Variants in CPLANE1 observed in about 807,000 individuals in gnomAD.
CPLANE1 encodes ciliogenesis and planar polarity effector 1.
Under a neutral mutation model 362.5 loss-of-function variants are expected in CPLANE1, and 263 were observed. The observed-to-expected ratio is 0.73, with a 90% confidence interval of 0.66 to 0.80. The LOEUF (loss-of-function observed/expected upper bound fraction) is 0.80. CPLANE1 is among the 30% of genes least tolerant of loss of function. The probability of loss-of-function intolerance (pLI) is 0.00; values close to 1 mark genes in which losing one functional copy is unlikely to be tolerated. For synonymous variants in CPLANE1, 1,212 were observed against 1,302.6 expected, an observed-to-expected ratio of 0.93 and a Z score of 1.50; for missense variants, 3,461 against 3,793.4, an observed-to-expected ratio of 0.91 and a Z score of 2.30.
At position 37,187,527 on chromosome 5, in the gene CPLANE1, T is replaced by C; in HGVS notation, c.3967A>G (p.Ser1323Gly). The change falls in exon 23 of 53, where the codon AGT becomes GGT. Residue 1323 changes from serine to glycine, a missense_variant. Coordinates refer to ENST00000651892, the MANE Select transcript of CPLANE1 (RefSeq NM_001384732.1). ...FDSCMIEHCL[S>G]AVEWAYRMLP... is the part of the protein sequence containing the mutation. ...ATTCTATAAGCCCATTCCACTGCAC[T>C]AAGACAGTGCTCAATCATACAAGAA... 1 of 1,612,820 alleles carries C rather than the reference T, an allele frequency of 6.2e-7. No homozygotes were observed. Among genetic ancestry groups the C allele is most frequent in the Non-Finnish European group, 8.5e-7 (1 of 1,179,678 alleles).
At chr5:37,099,659 T>C in the CPLANE1 span, among the ~76,000 whole-genome samples, 1 of 152,212 alleles carries the variant, frequency 6.6e-6, no homozygotes, top group Non-Finnish European at 1.5e-5. Context: ...AAATAACCAG[T>C]AATGGGATTA....
rs1244278057 is a variant in CPLANE1, at chr5:37,173,735, T to G, written c.6171+20A>C. The G allele has an allele frequency of 5.6e-6, 9 of 1,599,584 alleles. No homozygotes were observed. Among genetic ancestry groups the G allele is most frequent in the Non-Finnish European group, 7.7e-6 (9 of 1,167,410 alleles). On this transcript the variant is annotated intron_variant, in intron 32 of 52. Transcript: ENST00000651892. The stretch of plus-strand genomic sequence containing the variant: ...GTACACTATGTGTAGATTTACTTAC[T>G]TATATAGAGATGTGCTTACCTGAAC...
chr5:37,097,639 TAAC>T, the CPLANE1 span, among the ~76,000 whole-genome samples: 1 of 152,086 alleles, frequency 6.6e-6, no homozygotes, highest in East Asian at 1.9e-4. Flanking sequence ...CTCATCAGAG[TAAC>T]AAAGGATTTC....
chr5:37,113,081 C>T (rs1267308864), intron 51 of CPLANE1, among the ~76,000 whole-genome samples: 1 of 152,134 alleles, frequency 6.6e-6, no homozygotes. Flanking sequence ...GAAAACAATT[C>T]ATAATGGGTA....
chr5:37,081,947 C>T, the CPLANE1 span, among the ~76,000 whole-genome samples: 1 of 151,998 alleles, frequency 6.6e-6, no homozygotes, highest in Non-Finnish European at 1.5e-5. Flanking sequence ...TTGCGACCAG[C>T]CTAACATGGT....
rs771174918 is a variant in CPLANE1, at chr5:37,224,627, G to A, written c.2405C>T (p.Ala802Val). Residue 802 changes from alanine to valine, a missense_variant, in exon 13 of 53, where the codon GCA becomes GTA. Coordinates refer to ENST00000651892, the MANE Select transcript of CPLANE1 (RefSeq NM_001384732.1). Reference protein sequence around the residue: ...SQLTEKMTHEASTVKSLLCHL... With the variant: ...SQLTEKMTHEVSTVKSLLCHL... ...ACATAACAGGGACTTGACAGTAGAT[G>A]CTTCATGTGTCATCTTTTCAGTTAA... 13 of 1,551,032 alleles carry A rather than the reference G, an allele frequency of 8.4e-6. No homozygotes were observed. In the South Asian group the frequency reaches 1.3e-4, roughly 16 times the overall value.
At chr5:37,130,843 A>G (rs1255913914) in intron 46 of CPLANE1, 1 of 152,884 alleles carries the variant, frequency 6.5e-6, no homozygotes, top group Non-Finnish European at 1.5e-5. Context: ...AACGAACTGC[A>G]TAAACAGATC....
At chr5:37,094,916 A>G in the CPLANE1 span, among the ~76,000 whole-genome samples, 16 of 152,178 alleles carry the variant, frequency 1.1e-4, no homozygotes, top group Non-Finnish European at 1.9e-4. Context: ...ACCAATAATA[A>G]GCAGCAAGAT....
At chr5:37,086,808 A>G in the CPLANE1 span, among the ~76,000 whole-genome samples, 3 of 152,206 alleles carry the variant, frequency 2.0e-5, no homozygotes, top group South Asian at 4.1e-4. Flanking sequence ...GACAAGCATA[A>G]TATCTGTGTC....
Position 37,206,204 on chromosome 5 carries a change from A to C in CPLANE1, c.3142T>G (p.Phe1048Val). 1.3e-6 allele frequency: 2 copies of C among 1,549,776 alleles called. No homozygotes were observed. The highest frequency in any genetic ancestry group is 8.7e-7 in the Non-Finnish European group (1 of 1,145,094). Residue 1048 changes from phenylalanine (F) to valine (V), a missense_variant, in exon 17 of 53, where the codon TTC (phenylalanine) becomes GTC (valine). Phe to Val is a conservative substitution (Grantham distance 50, BLOSUM62 -1). This residue lies in a region of CPLANE1 where 3,380 missense variants were observed against 3,666.1 expected (regional missense o/e 0.92). Transcript: ENST00000651892. ...FQLFCKRDSN[F>V]MRSKKKSLNL... The stretch of plus-strand genomic sequence containing the variant: ...TTGCCTAAAAATCCATACCTCATGA[A>C]ATTGCTATCACGTTTACAGAACAGC...
chr5:37,131,363 A>C (rs2150233216), intron 46 of CPLANE1, among the ~76,000 whole-genome samples: 1 of 152,038 alleles, frequency 6.6e-6, no homozygotes, highest in East Asian at 1.9e-4. Flanking sequence ...TAATGCACAA[A>C]CTCTAGCTAC....
intron 9 of CPLANE1, among the ~76,000 whole-genome samples, 187 bp downstream of exon 9, chr5:37,230,680 T>C (rs1028630525): frequency 1.3e-5 from 2 of 152,058 alleles, no homozygotes; most frequent in Non-Finnish European, 2.9e-5. Context: ...AATGTCAAAT[T>C]TTCACCAGGA....
At chr5:37,081,358 T>C in the CPLANE1 span, among the ~76,000 whole-genome samples, 1 of 152,172 alleles carries the variant, frequency 6.6e-6, no homozygotes, top group Non-Finnish European at 1.5e-5. Context: ...TCTCTCTCTC[T>C]GTCACCCAGG....
In CPLANE1 at chr5:37,106,892, C is replaced by T; in HGVS notation, c.*710G>A. The T allele has an allele frequency of 4.1e-6, 4 of 985,228 alleles. No homozygotes were observed. Among genetic ancestry groups the T allele is most frequent in the Middle Eastern group, 5.2e-4 (1 of 1,914 alleles). 61.0% of individuals were successfully genotyped at this position (985,228 alleles called of 1,614,324 possible). The stretch of plus-strand genomic sequence containing the variant: ...TTAAAACTATGACATTATTGGAGCA[C>T]AATACCAAAAACTAATCAGGTCTCT... On this transcript the variant is annotated 3_prime_UTR_variant, in exon 53 of 53. Transcript: ENST00000651892.
chr5:37,140,417 G>A (rs1769316000), intron 44 of CPLANE1: 1 of 984,640 alleles, frequency 1.0e-6, no homozygotes, highest in Admixed American at 6.2e-5. Flanking sequence ...GGGCATTTGT[G>A]GGTTAAGAGC....
intron 51 of CPLANE1, among the ~76,000 whole-genome samples, chr5:37,113,701 G>A (rs911457557): frequency 5.9e-5 from 9 of 152,134 alleles, no homozygotes; most frequent in African/African-American, 1.4e-4. Context: ...ACTGAATGAC[G>A]GATCTACAAA....
At chr5:37,197,281 T>A (rs997791263) in intron 20 of CPLANE1, among the ~76,000 whole-genome samples, 5 of 152,210 alleles carry the variant, frequency 3.3e-5, no homozygotes, top group Non-Finnish European at 5.9e-5. Flanking sequence ...GATTTTCTCC[T>A]GCTAGTGTCA....
intron 16 of CPLANE1, chr5:37,211,380 C>T: frequency 6.6e-7 from 1 of 1,518,292 alleles, no homozygotes; most frequent in Non-Finnish European, 8.8e-7. Flanking sequence ...CCCACCATCT[C>T]TGCACTTGCT....
chr5:37,179,967 C>T, intron 28 of CPLANE1, 50 bp downstream of exon 28: 1 of 1,262,566 alleles, frequency 7.9e-7, no homozygotes. Context: ...TATTATTTAC[C>T]AATTTCAAAT....
Sources: allele counts gnomAD v4.1 joint callset (sites outside exome capture counted in the v4.1 genomes callset), GRCh38; gene constraint gnomAD v4.1.1; regional missense constraint gnomAD v4.1.1; transcripts MANE v1.5; gene names NCBI Gene and HGNC (gene_info 2026-07-23, HGNC 2026-07-21).